Variants in CXADR observed in about 807,000 individuals in gnomAD.
CXADR encodes coxsackievirus and adenovirus receptor.
A neutral mutation model predicts 40.3 loss-of-function variants in CXADR; 20 were observed. That is an observed-to-expected ratio of 0.50 (90% CI 0.35 to 0.72). The LOEUF is 0.72. CXADR is among the 30% of genes least tolerant of loss of function. The probability of loss-of-function intolerance (pLI) is 0.01; values close to 1 mark genes in which losing one functional copy is unlikely to be tolerated. For missense variants in CXADR, 332 were observed against 449.1 expected (o/e 0.74, Z 2.36); for synonymous variants, 150 against 161.3 (o/e 0.93, Z 0.53).
chr21:17,536,675 A>G (rs2060762429), intron 1 of CXADR, among the ~76,000 whole-genome samples: 1 of 152,238 alleles, frequency 6.6e-6, no homozygotes, highest in Admixed American at 6.5e-5. Flanking sequence ...GAGGAAATGT[A>G]TAAAACAGAG....
intron 1 of CXADR, among the ~76,000 whole-genome samples, chr21:17,517,683 T>TTGAAGA (rs144463856): frequency 0.039 from 5,883 of 152,172 alleles, 322 homozygotes; most frequent in African/African-American, 0.12. Flanking sequence ...AAATAAAAAG[T>TTGAAGA]TGAAGTTGTT....
downstream of CXADR, among the ~76,000 whole-genome samples, chr21:17,572,705 C>T (rs926141374): frequency 2.0e-5 from 3 of 151,808 alleles, no homozygotes; most frequent in African/African-American, 4.8e-5. Context: ...CACTAACTAA[C>T]GTTGTTTTTT....
At chr21:17,607,737 A>G in the CXADR span, among the ~76,000 whole-genome samples, 1 of 152,238 alleles carries the variant, frequency 6.6e-6, no homozygotes, top group Non-Finnish European at 1.5e-5. Context: ...ACACAAATAA[A>G]AGAGTATTTC....
chr21:17,591,624 A>AGTT (rs1235836096), intron 7 of CXADR, among the ~76,000 whole-genome samples: 1 of 151,958 alleles, frequency 6.6e-6, no homozygotes, highest in African/African-American at 2.4e-5. Flanking sequence ...CAAATATCCA[A>AGTT]GTTTAACCTA....
chr21:17,579,351 C>G (rs1323863868), intron 7 of CXADR, among the ~76,000 whole-genome samples: 1 of 151,382 alleles, frequency 6.6e-6, no homozygotes, highest in Non-Finnish European at 1.5e-5. Context: ...GTGGTGCAGT[C>G]TTGGCTCACT....
intron 4 of CXADR, 60 bp downstream of exon 4, chr21:17,559,191 G>A (rs2061074528): frequency 3.8e-6 from 6 of 1,559,464 alleles, no homozygotes; most frequent in Non-Finnish European, 3.5e-6. Flanking sequence ...ATCTAGTAGG[G>A]GTGTGTGTGT....
rs2061239294 is a variant in CXADR at position 17,568,288 on chromosome 21, T to C, written c.*2596T>C. The C allele has an allele frequency of 8.8e-6, 7 of 793,896 alleles. No individual in the cohort carries two copies. Among genetic ancestry groups the C allele is most frequent in the Non-Finnish European group, 9.1e-6 (6 of 656,050 alleles). 49.2% of individuals were successfully genotyped at this position (793,896 alleles called of 1,614,324 possible). On this transcript the variant is annotated 3_prime_UTR_variant, in exon 7 of 7. Transcript: ENST00000284878. ...GGACTACAGGCTCCCATCACCACGC[T>C]CGGCTAAGTTTTTGTAATTTTAGTA... is the stretch of plus-strand genomic sequence containing the variant.
At chr21:17,518,532 A>T in intron 1 of CXADR, 1 of 982,538 alleles carries the variant, frequency 1.0e-6, no homozygotes, top group South Asian at 1.3e-5. Context: ...TGCCAGCTTC[A>T]TTCTTTGATG....
At chr21:17,590,094 CAAAT>C (rs961476162) in intron 7 of CXADR, among the ~76,000 whole-genome samples, 39 of 151,974 alleles carry the variant, frequency 2.6e-4, no homozygotes, top group Non-Finnish European at 4.3e-4. Context: ...TGTATACACA[CAAAT>C]AAACATTTTT....
At chr21:17,594,346 AACAC>A (rs760950585), downstream of CXADR, 57 of 1,608,500 alleles carry the variant, frequency 3.5e-5, no homozygotes, top group Non-Finnish European at 4.6e-5. Context: ...TAGGGAAGAG[AACAC>A]ATTAAGTTAA....
intron 2 of CXADR, among the ~76,000 whole-genome samples, chr21:17,547,672 C>A (rs1473042646): frequency 6.6e-6 from 1 of 152,182 alleles, no homozygotes; most frequent in Admixed American, 6.5e-5. Context: ...GGTGTAACAA[C>A]TACATAGTAT....
the CXADR span, among the ~76,000 whole-genome samples, chr21:17,628,432 G>A: frequency 3.3e-5 from 5 of 152,180 alleles, no homozygotes; most frequent in East Asian, 1.9e-4. Flanking sequence ...TCCCATTGCC[G>A]GCGGGCTTGA....
the CXADR span, chr21:17,598,641 A>G: frequency 6.2e-6 from 10 of 1,614,108 alleles, no homozygotes; most frequent in Non-Finnish European, 6.8e-6. Flanking sequence ...TTGCGGCTGC[A>G]GTCACCGAAC....
At chr21:17,588,889 AAAGT>A (rs2061415836) in intron 7 of CXADR, among the ~76,000 whole-genome samples, 2 of 152,050 alleles carry the variant, frequency 1.3e-5, no homozygotes, top group African/African-American at 4.8e-5. Flanking sequence ...AATTTGTAGA[AAAGT>A]AAAGCTTTTA....
At chr21:17,558,943 T>A in intron 3 of CXADR, 33 bp from the exon 4 acceptor site, 1 of 1,583,906 alleles carries the variant, frequency 6.3e-7, no homozygotes, top group South Asian at 1.2e-5. Context: ...TTCCATTCTC[T>A]TATGTAAATT....
the CXADR span, chr21:17,612,871 G>A: frequency 1.3e-5 from 2 of 152,072 alleles, no homozygotes; most frequent in Admixed American, 6.5e-5. Flanking sequence ...GCGTTGAGAG[G>A]ACTGGCGGGC....
the CXADR span, chr21:17,605,203 G>T: frequency 3.9e-6 from 2 of 508,934 alleles, no homozygotes; most frequent in Admixed American, 3.6e-5. Context: ...GCACCTATGT[G>T]AGCCCAAGGA....
Position 17,561,390 on chromosome 21 carries a change from T to C in CXADR, c.747T>C (p.Ala249=). 7 of 1,611,912 alleles carry C rather than the reference T, an allele frequency of 4.3e-6. No homozygotes were observed. The highest frequency in any genetic ancestry group is 5.9e-6 in the Non-Finnish European group (7 of 1,178,972). ...IAGAIIGTLL[A]LALIGLIIFC... Reference sequence around the variant, plus strand: ...GAGCCATTATAGGAACTTTGCTTGCTCTAGCGCTCATTGGTCTTATCATCT... The same window carrying C: ...GAGCCATTATAGGAACTTTGCTTGCCCTAGCGCTCATTGGTCTTATCATCT... The change falls in exon 6 of 7, where the codon GCT becomes GCC. Residue 249 remains alanine, a synonymous_variant. Transcript: ENST00000284878.
At chr21:17,540,476 A>T (rs538386487) in intron 1 of CXADR, among the ~76,000 whole-genome samples, 1 of 152,174 alleles carries the variant, frequency 6.6e-6, no homozygotes, top group East Asian at 1.9e-4. Context: ...TTCTATTTAT[A>T]TGAGTGAAAG....
Sources: allele counts gnomAD v4.1 joint callset (sites outside exome capture counted in the v4.1 genomes callset), GRCh38; gene constraint gnomAD v4.1.1; transcripts MANE v1.5; gene names NCBI Gene and HGNC (gene_info 2026-07-23, HGNC 2026-07-21).